Variants in ARID1B observed in about 807,000 individuals in gnomAD.
ARID1B encodes the protein AT-rich interaction domain 1B, also known as AT-rich interactive domain-containing protein 1B.
ARID1B carries 30 observed loss-of-function variants against 212.3 expected under a neutral mutation model. That is an observed-to-expected ratio of 0.14 (90% CI 0.11 to 0.19). The LOEUF (loss-of-function observed/expected upper bound fraction) is 0.19, where lower values mean the gene tolerates loss of function less well. ARID1B is among the 10% of genes least tolerant of loss of function. The pLI is 1.00. For synonymous variants in ARID1B, 1,402 were observed against 1,301.7 expected (o/e 1.08, Z -1.66); for missense variants, 2,891 against 3,204.0 (o/e 0.90, Z 2.36).
chr6:156,807,175 G>A (rs1341384565), intron 1 of ARID1B, among the ~76,000 whole-genome samples: 1 of 144,588 alleles, frequency 6.9e-6, no homozygotes, highest in African/African-American at 2.6e-5. Context: ...ATCTTTGTTT[G>A]CACAACTCTT....
Position 156,954,453 on chromosome 6 carries a change from T to TA in ARID1B, c.2247+18878dup, listed in dbSNP as rs1793810298. ...CACACACATACATATGATTTTTTTT[T>TA]ATCTGTGAGTATTTTGTCTTTAGAA... On this transcript the variant is annotated intron_variant, in intron 4 of 19. Coordinates refer to ENST00000636930, the MANE Select transcript of ARID1B (RefSeq NM_001374828.1). 2.0e-5 allele frequency among the ~76,000 whole-genome samples: 3 copies of TA among 152,284 alleles called. No individual in the cohort carries two copies. In the South Asian group the frequency reaches 6.2e-4, roughly 32 times the overall value.
At chr6:156,927,781 C>T (rs183901533) in intron 3 of ARID1B, among the ~76,000 whole-genome samples, 1 of 152,196 alleles carries the variant, frequency 6.6e-6, no homozygotes, top group Non-Finnish European at 1.5e-5. Flanking sequence ...GTATAAGCTC[C>T]TAGAAACCAT....
At chr6:157,106,859 T>C (rs1376785249) in intron 5 of ARID1B, among the ~76,000 whole-genome samples, 1 of 152,170 alleles carries the variant, frequency 6.6e-6, no homozygotes. Context: ...CACAATGGAA[T>C]TCCAGTAACT....
intron 3 of ARID1B, among the ~76,000 whole-genome samples, chr6:156,924,155 A>T (rs936898705): frequency 5.9e-5 from 9 of 152,186 alleles, no homozygotes; most frequent in African/African-American, 2.2e-4. Context: ...CAGGTCCCTT[A>T]TACAGTCATC....
At chr6:156,826,173 T>C (rs1782726622) in intron 1 of ARID1B, among the ~76,000 whole-genome samples, 1 of 152,224 alleles carries the variant, frequency 6.6e-6, no homozygotes, top group African/African-American at 2.4e-5. Context: ...GCTTGTAGGC[T>C]GTGGGGCCTG....
chr6:157,188,058 T>C (rs1793103871), intron 13 of ARID1B, among the ~76,000 whole-genome samples: 1 of 152,166 alleles, frequency 6.6e-6, no homozygotes, highest in Non-Finnish European at 1.5e-5. Context: ...TTACGCAAAT[T>C]TGGTTTGTAA....
chr6:156,980,340 G>A (rs1230581552), intron 4 of ARID1B, among the ~76,000 whole-genome samples: 2 of 151,944 alleles, frequency 1.3e-5, no homozygotes, highest in Non-Finnish European at 2.9e-5. Flanking sequence ...AAAATTAGCC[G>A]GGCGTGGTGG....
rs113818462 is a variant in ARID1B, at chr6:157,206,786, C to G, written c.6014C>G (p.Ser2005Cys). 35 of 1,613,944 alleles carry G rather than the reference C, an allele frequency of 2.2e-5. 1 individual carries two copies. The highest frequency in any genetic ancestry group is 1.6e-4 in the Middle Eastern group (1 of 6,062). ...SIIATIDDVL[S>C]ARPGALPEDA... is the part of the protein sequence containing the mutation. ...ATAGCAACCATCGATGACGTCCTCT[C>G]TGCTCGGCCAGGGGCATTGCCTGAA... The change falls in exon 20 of 20, where the codon TCT (serine) becomes TGT (cysteine). Residue 2005 changes from serine (S) to cysteine (C), a missense_variant. This residue lies in a region of ARID1B where 332 missense variants were observed against 369.2 expected (regional missense o/e 0.90). Transcript: ENST00000636930. This position sits in a 1 kb window ranked among gnomAD's most constrained non-coding sequence, Gnocchi z 6.8.
chr6:157,113,933 C>T (rs1365955738), intron 6 of ARID1B, among the ~76,000 whole-genome samples: 2 of 152,166 alleles, frequency 1.3e-5, no homozygotes, highest in Non-Finnish European at 2.9e-5. Context: ...TCCTAATAAC[C>T]TTTGATCAAA....
rs1303647267 is a variant in ARID1B, at chr6:157,174,017, G to A, written c.3245G>A (p.Gly1082Asp). Residue 1082 changes from glycine (G) to aspartate (D), a missense_variant, in exon 10 of 20, where the codon GGT (glycine) becomes GAT (aspartate). Physicochemically the swap from Gly to Asp is moderately conservative, Grantham distance 94. Transcript: ENST00000636930. ...TCCTGTTTTCGATTAGCATCTGTGG[G>A]TCTTGCAGATATGATGTCTCCTGGT... is the stretch of plus-strand genomic sequence containing the variant. ...AMVNSSAASV[G>D]LADMMSPGES... 6 of 1,613,850 alleles carry A rather than the reference G, an allele frequency of 3.7e-6. No homozygotes were observed. The highest frequency in any genetic ancestry group is 1.3e-5 in the African/African-American group (1 of 74,884).
chr6:156,976,987 C>T, intron 4 of ARID1B: 2 of 522,888 alleles, frequency 3.8e-6, no homozygotes, highest in Admixed American at 2.0e-5. Flanking sequence ...GGTTTCATTG[C>T]ACTGACAACC....
chr6:157,022,989 A>G (rs1352946521), intron 4 of ARID1B: 2 of 152,212 alleles, frequency 1.3e-5, no homozygotes, highest in Non-Finnish European at 1.5e-5. Flanking sequence ...CGCACGTGTG[A>G]ATATGCATAG....
At chr6:157,061,174 C>G (rs1476249549) in intron 4 of ARID1B, among the ~76,000 whole-genome samples, 1 of 152,116 alleles carries the variant, frequency 6.6e-6, no homozygotes, top group African/African-American at 2.4e-5. Flanking sequence ...CTATTTGTGT[C>G]TTTCTTATAC....
At position 156,954,203 on chromosome 6, in the gene ARID1B, C is replaced by CT. The variant is rs531260991; in HGVS notation, c.2247+18639dup. Among the ~76,000 whole-genome samples, 1,203 of 139,866 alleles carry CT rather than the reference C, an allele frequency of 8.6e-3. 15 individuals carry two copies. The highest frequency in any genetic ancestry group is 0.029 in the African/African-American group (1,087 of 38,076). The allele number at this position is 139,866 out of a possible 152,430, so 91.8% of individuals were successfully genotyped here. On this transcript the variant is annotated intron_variant, in intron 4 of 19. Transcript: ENST00000636930. ...CTTTTAAAATATTAAAAATGAAGTT[C>CT]TTTTTTTTTTTTAATGTATGAGTGA...
At chr6:156,933,119 T>A (rs1260790132) in intron 3 of ARID1B, among the ~76,000 whole-genome samples, 1 of 152,166 alleles carries the variant, frequency 6.6e-6, no homozygotes, top group Non-Finnish European at 1.5e-5. Context: ...GTTGTAATGA[T>A]CTTTTTCAGC....
At chr6:156,836,370 CG>C (rs1193848514) in intron 2 of ARID1B, among the ~76,000 whole-genome samples, 4 of 152,192 alleles carry the variant, frequency 2.6e-5, no homozygotes, top group African/African-American at 9.6e-5. Flanking sequence ...AGGGAGGCTA[CG>C]TGGGCAAGCG....
At chr6:157,127,783 C>CAAAAAAAA (rs61172896) in intron 6 of ARID1B, among the ~76,000 whole-genome samples, 5 of 56,794 alleles carry the variant, frequency 8.8e-5, no homozygotes, top group Admixed American at 2.2e-4. Flanking sequence ...GACTCTGTCT[C>CAAAAAAAA]AAAAAAAAAA....
In ARID1B at chr6:157,130,168, C is replaced by CA. The variant is rs879260125; in HGVS notation, c.2582-2847dup. ...TGGGTGACAGAGTAAGACTCCATCTCAAAAAAAAAAAAAGAATATAGTATA... is the reference window on the plus strand; with the variant it reads ...TGGGTGACAGAGTAAGACTCCATCTCAAAAAAAAAAAAAAGAATATAGTATA... On this transcript the variant is annotated intron_variant, in intron 6 of 19. Coordinates refer to ENST00000636930, the MANE Select transcript of ARID1B (RefSeq NM_001374828.1). Among the ~76,000 whole-genome samples, 203 of 125,812 alleles carry CA rather than the reference C, an allele frequency of 1.6e-3. 1 individual carries two copies. In the Middle Eastern group the frequency reaches 0.017, roughly 10 times the overall value. 82.5% of individuals were successfully genotyped at this position (125,812 alleles called of 152,430 possible).
At chr6:157,031,524 C>T (rs1463909647) in intron 4 of ARID1B, among the ~76,000 whole-genome samples, 1 of 152,182 alleles carries the variant, frequency 6.6e-6, no homozygotes, top group Admixed American at 6.5e-5. Context: ...CTTTATTCCC[C>T]TTTGGGCAGA....
Sources: allele counts gnomAD v4.1 joint callset (sites outside exome capture counted in the v4.1 genomes callset), GRCh38; gene constraint gnomAD v4.1.1; regional missense constraint gnomAD v4.1.1; non-coding constraint Gnocchi (gnomAD v3.1); transcripts MANE v1.5; gene names NCBI Gene and HGNC (gene_info 2026-07-23, HGNC 2026-07-21).